The following MED13 variants were observed in gnomAD, a reference collection of about 807,000 sequenced individuals.
MED13 encodes the protein mediator of RNA polymerase II transcription subunit 13.
A neutral mutation model predicts 225.2 loss-of-function variants in MED13; 23 were observed. The observed-to-expected ratio is 0.10, with a 90% confidence interval of 0.07 to 0.14. The LOEUF (loss-of-function observed/expected upper bound fraction) is 0.14. MED13 is among the 10% of genes least tolerant of loss of function. The probability of loss-of-function intolerance (pLI) is 1.00; values close to 1 mark genes in which losing one functional copy is unlikely to be tolerated. For synonymous variants in MED13, 942 were observed against 889.2 expected, an observed-to-expected ratio of 1.06 and a Z score of -1.06; for missense variants, 2,197 against 2,594.5, an observed-to-expected ratio of 0.85 and a Z score of 3.33.
chr17:62,063,477 GAGA>G (rs983856863), intron 1 of MED13, among the ~76,000 whole-genome samples, 176 bp from the exon 2 acceptor site: 60 of 152,258 alleles, frequency 3.9e-4, no homozygotes, highest in African/African-American at 1.3e-3. Flanking sequence ...GAATTTTAGG[GAGA>G]AGAATACAGT....
At chr17:61,950,734 G>A in intron 28 of MED13, 91 bp downstream of exon 28, 2 of 1,292,772 alleles carry the variant, frequency 1.5e-6, no homozygotes, top group Non-Finnish European at 1.1e-6. Flanking sequence ...ACTTAGACAA[G>A]CTATAAGACT....
chr17:62,025,952 A>G (rs890394084), intron 8 of MED13, among the ~76,000 whole-genome samples: 19 of 152,386 alleles, frequency 1.2e-4, no homozygotes, highest in African/African-American at 3.8e-4. Context: ...ATGCAAAAAC[A>G]TAACAGCACA....
At chr17:62,015,480 T>C (rs2080554348) in intron 8 of MED13, among the ~76,000 whole-genome samples, 1 of 152,112 alleles carries the variant, frequency 6.6e-6, no homozygotes, top group Non-Finnish European at 1.5e-5. Context: ...ATGATTCCAT[T>C]TGTGTGAAAG....
chr17:61,990,144 C>T (rs1442732370), intron 11 of MED13, among the ~76,000 whole-genome samples: 1 of 152,128 alleles, frequency 6.6e-6, no homozygotes, highest in Non-Finnish European at 1.5e-5. Flanking sequence ...ATGGATTTTG[C>T]TGTACATCAT....
intron 3 of MED13, among the ~76,000 whole-genome samples, chr17:62,048,068 A>G (rs943517169): frequency 1.4e-5 from 2 of 146,500 alleles, no homozygotes; most frequent in South Asian, 2.1e-4. Context: ...ATATATGTAT[A>G]TATGTATATA....
At chr17:62,017,418 A>G (rs1328626452) in intron 8 of MED13, among the ~76,000 whole-genome samples, 1 of 152,200 alleles carries the variant, frequency 6.6e-6, no homozygotes, top group Non-Finnish European at 1.5e-5. Context: ...ACTGAAAAAA[A>G]GAATATAAAA....
intron 3 of MED13, among the ~76,000 whole-genome samples, chr17:62,037,745 A>G (rs1300177918): frequency 1.3e-5 from 2 of 151,752 alleles, no homozygotes; most frequent in Non-Finnish European, 2.9e-5. Context: ...GTTTGAGCCC[A>G]GCAATTTGAG....
At chr17:62,026,701 CCAAAAG>C (rs2080705869) in intron 8 of MED13, among the ~76,000 whole-genome samples, 1 of 152,014 alleles carries the variant, frequency 6.6e-6, no homozygotes, top group Non-Finnish European at 1.5e-5. Flanking sequence ...CAGTCTCAGC[CCAAAAG>C]CTCCTTCAGC....
At chr17:61,973,585 G>C (rs1431591762) in intron 16 of MED13, among the ~76,000 whole-genome samples, 1 of 152,170 alleles carries the variant, frequency 6.6e-6, no homozygotes, top group Non-Finnish European at 1.5e-5. Context: ...TGGTCCAGTT[G>C]TACCACTAAA....
At chr17:61,948,132 T>C (rs183833816) in intron 28 of MED13, among the ~76,000 whole-genome samples, 1 of 152,188 alleles carries the variant, frequency 6.6e-6, no homozygotes, top group East Asian at 1.9e-4. Flanking sequence ...GGGATCTAGC[T>C]AACAACCCAT....
At chr17:61,959,547 A>G (rs1271293831) in intron 23 of MED13, among the ~76,000 whole-genome samples, 1 of 152,086 alleles carries the variant, frequency 6.6e-6, no homozygotes, top group African/African-American at 2.4e-5. Flanking sequence ...TATAATATAA[A>G]GCTTAACATA....
intron 17 of MED13, among the ~76,000 whole-genome samples, chr17:61,969,116 G>A (rs1167672995): frequency 6.6e-6 from 1 of 152,150 alleles, no homozygotes; most frequent in East Asian, 1.9e-4. Flanking sequence ...AGCACTTTGG[G>A]AGGCCGAGGT....
chr17:61,947,820 A>G (rs148244771), intron 28 of MED13, among the ~76,000 whole-genome samples: 121 of 152,314 alleles, frequency 7.9e-4, no homozygotes, highest in Admixed American at 2.0e-3. Flanking sequence ...CATTTTTTTT[A>G]TAAGTCAATA....
At chr17:62,024,035 TG>T (rs1224885144) in intron 8 of MED13, among the ~76,000 whole-genome samples, 1 of 152,134 alleles carries the variant, frequency 6.6e-6, no homozygotes, top group Non-Finnish European at 1.5e-5. Flanking sequence ...TTTTTTTTTT[TG>T]AGACGGAGTC....
chr17:62,056,603 C>CT (rs11449918), intron 2 of MED13, among the ~76,000 whole-genome samples: 55,968 of 151,668 alleles, frequency 0.37, 12,486 homozygotes, highest in East Asian at 0.69. Flanking sequence ...CTCCAAAAAA[C>CT]TTTTTTTAGT....
Position 61,968,052 on chromosome 17 carries a change from G to C in MED13, c.4174C>G (p.Leu1392Val). ...ACACCTACCTCATATATTGCAGTAA[G>C]ATCTCTAAAAAAGCTTTTTGCTCCA... ...LNGAKSFFRD[L>V]TAIYESCRLG... Residue 1392 changes from leucine to valine, a missense_variant, in exon 18 of 30, where the codon CTT (leucine) becomes GTT (valine). By Grantham distance (32) the Leu-to-Val change is conservative. Around this residue, in one of 12 missense-constraint regions of MED13, gnomAD observed 457 missense variants for 442.2 expected, o/e 1.03. Transcript: ENST00000397786. 2 of 1,611,456 alleles carry C rather than the reference G, an allele frequency of 1.2e-6. No individual in the cohort carries two copies. Among genetic ancestry groups the C allele is most frequent in the Non-Finnish European group, 1.7e-6 (2 of 1,177,792 alleles).
intron 3 of MED13, among the ~76,000 whole-genome samples, chr17:62,041,735 G>A (rs1263683578): frequency 6.6e-6 from 1 of 152,090 alleles, no homozygotes; most frequent in African/African-American, 2.4e-5. Flanking sequence ...GAGCCACTAT[G>A]TCCAGATAAT....
intron 16 of MED13, among the ~76,000 whole-genome samples, chr17:61,981,838 G>C (rs1043880887): frequency 1.3e-5 from 2 of 152,122 alleles, no homozygotes; most frequent in Non-Finnish European, 2.9e-5. Flanking sequence ...TGTGTGCTTT[G>C]TTCAACAGTG....
rs763938636 is a variant in MED13 at position 61,992,507 on chromosome 17, T to A, written c.2263+33A>T. The stretch of plus-strand genomic sequence containing the variant: ...TCAGTCTGTAGTAACAATCCTGGAA[T>A]GCAATATTTTCATTAGGAAATAAAG... On this transcript the variant is annotated intron_variant, in intron 11 of 29. Transcript: ENST00000397786. 2.3e-6 allele frequency: 3 copies of A among 1,329,758 alleles called. No individual in the cohort carries two copies. In the East Asian group the frequency reaches 6.9e-5, roughly 31 times the overall value. 82.4% of individuals were successfully genotyped at this position (1,329,758 alleles called of 1,614,324 possible).
Sources: gnomAD v4.1 joint callset for allele counts (sites outside exome capture counted in the v4.1 genomes callset) on GRCh38, gnomAD v4.1.1 for gene constraint, gnomAD v4.1.1 regional missense constraint, MANE v1.5 for transcripts, NCBI Gene and HGNC (gene_info 2026-07-23, HGNC 2026-07-21) for gene names.